The following BCAR3 variants were observed in gnomAD, a reference collection of about 807,000 sequenced individuals.
The protein encoded by BCAR3 is breast cancer anti-estrogen resistance protein 3.
In BCAR3, 37 loss-of-function variants were observed where a neutral mutation model predicts 80.1. The ratio of observed to expected loss-of-function variants is 0.46; its 90% CI spans 0.36 to 0.61. The LOEUF is 0.61. Among genes scored for constraint, BCAR3 ranks in the 20% least tolerant of loss-of-function variants. BCAR3 has a pLI of 0.00. For synonymous variants in BCAR3, 389 were observed against 418.9 expected, an observed-to-expected ratio of 0.93 and a Z score of 0.87; for missense variants, 978 against 1,068.2, an observed-to-expected ratio of 0.92 and a Z score of 1.18.
chr1:93,700,924 G>A (rs989679558), intron 3 of BCAR3, among the ~76,000 whole-genome samples: 2 of 152,354 alleles, frequency 1.3e-5, no homozygotes, highest in East Asian at 3.9e-4. Context: ...AGGACCTAGC[G>A]CAGGGCAGGC....
chr1:93,673,196 T>G (rs1648303095), intron 2 of BCAR3, among the ~76,000 whole-genome samples: 2 of 152,352 alleles, frequency 1.3e-5, no homozygotes, highest in South Asian at 4.1e-4. Context: ...TAATCTGCAG[T>G]TGTCTTATTT....
chr1:93,785,236 T>C (rs1652898688), intron 2 of BCAR3, among the ~76,000 whole-genome samples: 1 of 152,242 alleles, frequency 6.6e-6, no homozygotes, highest in Non-Finnish European at 1.5e-5. Context: ...GGGTAGGCTA[T>C]TACAATTTTC....
At chr1:93,817,832 C>A (rs1230264103) in intron 2 of BCAR3, among the ~76,000 whole-genome samples, 4 of 152,152 alleles carry the variant, frequency 2.6e-5, no homozygotes, top group African/African-American at 9.7e-5. Flanking sequence ...GTATTTTGCC[C>A]CACAGCACTT....
At chr1:93,847,368 C>T (rs1655252893), upstream of BCAR3, 1 of 154,714 alleles carries the variant, frequency 6.5e-6, no homozygotes, top group African/African-American at 2.4e-5. Flanking sequence ...TGCGGCCGCC[C>T]TTGGCTCAAC....
In BCAR3 at chr1:93,800,400, C is replaced by T. The variant is rs144846291; in HGVS notation, c.-63+45167G>A. Among the ~76,000 whole-genome samples the T allele has an allele frequency of 1.1e-3, 160 of 152,086 alleles. 1 individual carries two copies. The highest frequency in any genetic ancestry group is 3.7e-3 in the African/African-American group (152 of 41,494). On this transcript the variant is annotated intron_variant, in intron 2 of 13. Transcript: ENST00000370244. ...ACAAGCCTGGCCAACATGGTGAAAC[C>T]CTGTCTCTATTAAAAATACAAAAAA...
intron 2 of BCAR3, among the ~76,000 whole-genome samples, chr1:93,714,217 G>A (rs1348345008): frequency 3.3e-5 from 5 of 152,170 alleles, no homozygotes; most frequent in African/African-American, 7.2e-5. Flanking sequence ...TCCTGACCTC[G>A]TGATCCGCCC....
chr1:93,783,514 T>C (rs1250290186), intron 2 of BCAR3, among the ~76,000 whole-genome samples: 2 of 152,110 alleles, frequency 1.3e-5, no homozygotes, highest in Admixed American at 6.5e-5. Context: ...TGGAAACATA[T>C]AGAAAGAGCA....
intron 2 of BCAR3, among the ~76,000 whole-genome samples, chr1:93,784,819 G>C (rs1379175763): frequency 1.3e-5 from 2 of 152,256 alleles, no homozygotes; most frequent in Non-Finnish European, 2.9e-5. Context: ...ATCTTCCAGA[G>C]AGGAGGTCTT....
At chr1:93,615,951 G>A (rs976609763) in intron 3 of BCAR3, among the ~76,000 whole-genome samples, 3 of 152,204 alleles carry the variant, frequency 2.0e-5, no homozygotes, top group South Asian at 2.1e-4. Context: ...ACAGAAATTC[G>A]TGAGATTAGT....
At chr1:93,832,745 G>A (rs1033205174) in intron 2 of BCAR3, among the ~76,000 whole-genome samples, 16 of 152,036 alleles carry the variant, frequency 1.1e-4, no homozygotes, top group Non-Finnish European at 1.5e-5. Context: ...CCCAACTCTG[G>A]TGCCAACTCG....
chr1:93,672,792 G>A (rs949194314), intron 2 of BCAR3, among the ~76,000 whole-genome samples: 1 of 152,182 alleles, frequency 6.6e-6, no homozygotes, highest in African/African-American at 2.4e-5. Flanking sequence ...AAGCAGTTCA[G>A]GGCTCTCTAG....
intron 3 of BCAR3, among the ~76,000 whole-genome samples, chr1:93,605,917 C>A (rs891431565): frequency 6.6e-6 from 1 of 152,226 alleles, no homozygotes; most frequent in Non-Finnish European, 1.5e-5. Flanking sequence ...AAGATTCAGA[C>A]AGCCTTCCAG....
intron 2 of BCAR3, among the ~76,000 whole-genome samples, chr1:93,730,543 T>C (rs776543846): frequency 6.6e-6 from 1 of 152,214 alleles, no homozygotes; most frequent in Non-Finnish European, 1.5e-5. Context: ...GTTACATGTT[T>C]ATACACATAC....
chr1:93,575,762 T>C (rs1037719356), intron 8 of BCAR3, among the ~76,000 whole-genome samples: 3 of 152,178 alleles, frequency 2.0e-5, no homozygotes, highest in Admixed American at 2.0e-4. Context: ...AGGCCATCTA[T>C]TCTCTCCATC....
chr1:93,812,576 C>A (rs1302103609), intron 2 of BCAR3, among the ~76,000 whole-genome samples: 1 of 152,212 alleles, frequency 6.6e-6, no homozygotes, highest in East Asian at 1.9e-4. Context: ...GAAGGCCCTC[C>A]TCTACCCCAG....
chr1:93,626,498 A>C (rs1467097808), intron 3 of BCAR3, among the ~76,000 whole-genome samples: 1 of 152,116 alleles, frequency 6.6e-6, no homozygotes, highest in African/African-American at 2.4e-5. Flanking sequence ...AGAGGTCAAA[A>C]CTTATTTTCA....
chr1:93,675,542 C>T (rs71652541), intron 1 of BCAR3, among the ~76,000 whole-genome samples: 1 of 152,164 alleles, frequency 6.6e-6, no homozygotes, highest in Non-Finnish European at 1.5e-5. Flanking sequence ...CACCAGCAGG[C>T]TCAGCTGCAG....
intron 2 of BCAR3, among the ~76,000 whole-genome samples, chr1:93,844,511 T>G (rs1655073257): frequency 6.6e-6 from 1 of 152,138 alleles, no homozygotes; most frequent in African/African-American, 2.4e-5. Flanking sequence ...GGCTGTTTAC[T>G]ACAGATACAG....
intron 3 of BCAR3, among the ~76,000 whole-genome samples, chr1:93,606,543 C>A (rs568305186): frequency 6.6e-6 from 1 of 152,100 alleles, no homozygotes; most frequent in Non-Finnish European, 1.5e-5. Flanking sequence ...TAAAAATGCA[C>A]GAGGGCATAG....
Sources: allele counts gnomAD v4.1 joint callset (sites outside exome capture counted in the v4.1 genomes callset), GRCh38; gene constraint gnomAD v4.1.1; transcripts MANE v1.5; gene names NCBI Gene and HGNC (gene_info 2026-07-23, HGNC 2026-07-21).